Variants in CD9 observed in about 807,000 individuals in gnomAD.
CD9 encodes the protein CD9 antigen.
Under a neutral mutation model 31.4 loss-of-function variants are expected in CD9, and 10 were observed. That is an observed-to-expected ratio of 0.32 (90% confidence interval 0.20 to 0.54). The LOEUF is 0.54. Ranked by LOEUF, CD9 falls within the 20% of genes least tolerant of loss-of-function variation. The pLI is 0.94. For synonymous variants in CD9, 113 were observed against 114.1 expected (o/e 0.99, Z 0.06); for missense variants, 259 against 300.1 (o/e 0.86, Z 1.01).
At chr12:6,228,961 AAG>A (rs1946405846) in intron 2 of CD9, among the ~76,000 whole-genome samples, 1 of 152,370 alleles carries the variant, frequency 6.6e-6, no homozygotes, top group African/African-American at 2.4e-5. Flanking sequence ...CAAGTAGAGA[AAG>A]AGTATATAAC....
At chr12:6,236,297 C>T (rs755649131) in intron 7 of CD9, 22 bp downstream of exon 7, 2 of 1,607,024 alleles carry the variant, frequency 1.2e-6, no homozygotes, top group Middle Eastern at 1.7e-4. Context: ...GACGTCGTCC[C>T]AGGAGGGGGA....
At chr12:6,219,122 C>T (rs1323386957) in intron 1 of CD9, among the ~76,000 whole-genome samples, 1 of 152,080 alleles carries the variant, frequency 6.6e-6, no homozygotes, top group Non-Finnish European at 1.5e-5. Flanking sequence ...TCTCCTGCCT[C>T]AGCCTCCCAA....
chr12:6,204,134 C>T (rs1056377730), intron 1 of CD9, among the ~76,000 whole-genome samples: 1 of 152,214 alleles, frequency 6.6e-6, no homozygotes, highest in Non-Finnish European at 1.5e-5. Flanking sequence ...CACTTCTGTG[C>T]TCTAAGCCTC....
chr12:6,205,899 G>A (rs955738171), intron 1 of CD9: 1 of 152,214 alleles, frequency 6.6e-6, no homozygotes, highest in African/African-American at 2.4e-5. Context: ...GCTGGGGAAA[G>A]GAGAGTGGAG....
chr12:6,235,097 C>T (rs887718579), intron 4 of CD9, 132 bp from the exon 5 acceptor site: 2 of 716,470 alleles, frequency 2.8e-6, no homozygotes, highest in Admixed American at 2.1e-5. Flanking sequence ...GCCATCTGCC[C>T]AGTGACGTTG....
chr12:6,201,102 C>T (rs1393002461), intron 1 of CD9: 1 of 152,304 alleles, frequency 6.6e-6, no homozygotes, highest in African/African-American at 2.4e-5. Context: ...GGCAGGGGTG[C>T]CTCGGCCGCG....
intron 1 of CD9, among the ~76,000 whole-genome samples, chr12:6,219,496 T>A (rs1321381563): frequency 6.6e-6 from 1 of 152,038 alleles, no homozygotes; most frequent in Non-Finnish European, 1.5e-5. Context: ...TTCTTTTTTT[T>A]TTCTTTTGAG....
At chr12:6,201,632 C>G (rs1946078970) in intron 1 of CD9, among the ~76,000 whole-genome samples, 1 of 152,246 alleles carries the variant, frequency 6.6e-6, no homozygotes. Context: ...AGCCACATTC[C>G]CTGCACACAC....
chr12:6,230,981 G>C (rs970094321), intron 2 of CD9, among the ~76,000 whole-genome samples: 4 of 152,222 alleles, frequency 2.6e-5, no homozygotes, highest in Non-Finnish European at 4.4e-5. Context: ...CAGACTGCAT[G>C]GTTTGTTGCC....
At chr12:6,235,911 A>C in intron 6 of CD9, 1 of 1,380,726 alleles carries the variant, frequency 7.2e-7, no homozygotes, top group Non-Finnish European at 9.3e-7. Context: ...CAGAATAGTA[A>C]AAGGTGACCT....
At chr12:6,214,473 A>G (rs1278442549) in intron 1 of CD9, among the ~76,000 whole-genome samples, 7 of 144,854 alleles carry the variant, frequency 4.8e-5, no homozygotes, top group Non-Finnish European at 1.0e-4. Flanking sequence ...CAGCCCCCCA[A>G]GTAGCTGGAA....
In CD9 at chr12:6,233,344, A is replaced by T. The variant is rs187048941; in HGVS notation, c.274-68A>T. ...GAGTTGTCCTTCTTCCTTGTCCCAA[A>T]ATACCCTTTGATTTTCCTGGCTGGT... is the stretch of plus-strand genomic sequence containing the variant. On this transcript the variant is annotated intron_variant, in intron 3 of 7. Transcript: ENST00000009180. 4.2e-6 allele frequency: 5 copies of T among 1,196,140 alleles called. No individual in the cohort carries two copies. The African/African-American group carries it at 7.5e-5, about 18-fold the overall frequency. 74.1% of individuals were successfully genotyped at this position (1,196,140 alleles called of 1,614,324 possible). A position where few individuals can be genotyped will look rare whatever the true frequency, so the allele number is the denominator to read the frequency against.
intron 2 of CD9, among the ~76,000 whole-genome samples, chr12:6,230,609 C>T (rs965821804): frequency 2.6e-5 from 4 of 152,206 alleles, no homozygotes; most frequent in African/African-American, 9.6e-5. Context: ...TTGACTTGCC[C>T]CCATTAGATG....
intron 6 of CD9, 175 bp downstream of exon 6, chr12:6,235,740 C>T (rs1409170578): frequency 7.1e-7 from 1 of 1,415,458 alleles, no homozygotes; most frequent in Non-Finnish European, 9.2e-7. Flanking sequence ...TACTCAAGGG[C>T]AATAAAACAA....
chr12:6,211,065 T>C (rs1345244445), intron 1 of CD9, among the ~76,000 whole-genome samples: 2 of 152,130 alleles, frequency 1.3e-5, no homozygotes, highest in Admixed American at 1.3e-4. Flanking sequence ...CTTGAACTCC[T>C]GACCTTGTGA....
chr12:6,213,469 G>T (rs1679498390), intron 1 of CD9, among the ~76,000 whole-genome samples: 3 of 152,240 alleles, frequency 2.0e-5, no homozygotes, highest in Non-Finnish European at 4.4e-5. Flanking sequence ...TGCCCCATTG[G>T]CAGAGACTCG....
intron 2 of CD9, chr12:6,225,752 C>T (rs1289194809): frequency 1.8e-6 from 1 of 563,790 alleles, no homozygotes. Context: ...TCCTGATGGC[C>T]AAGTCAGGCA....
chr12:6,206,769 G>A (rs1181285729), intron 1 of CD9, among the ~76,000 whole-genome samples: 1 of 152,134 alleles, frequency 6.6e-6, no homozygotes, highest in Non-Finnish European at 1.5e-5. Context: ...ATAGTTTTAA[G>A]TGCTATATCC....
intron 1 of CD9, among the ~76,000 whole-genome samples, chr12:6,216,416 C>G (rs2268014): frequency 0.45 from 68,338 of 151,982 alleles, 15,930 homozygotes; most frequent in Middle Eastern, 0.59. Flanking sequence ...AAACAAAAAC[C>G]AGGGCTGACA....
Sources: allele counts gnomAD v4.1 joint callset (sites outside exome capture counted in the v4.1 genomes callset), GRCh38; gene constraint gnomAD v4.1.1; transcripts MANE v1.5; gene names NCBI Gene and HGNC (gene_info 2026-07-23, HGNC 2026-07-21).